The following PCSK5 variants were observed in gnomAD, a reference collection of about 807,000 sequenced individuals.
PCSK5 encodes the protein prohormone convertase 5.
Under a neutral mutation model 233.2 loss-of-function variants are expected in PCSK5, and 129 were observed. That is an observed-to-expected ratio of 0.55 (90% CI 0.48 to 0.64). The LOEUF is 0.64. PCSK5 is among the 30% of genes least tolerant of loss of function. The probability of loss-of-function intolerance (pLI) is 0.00; values close to 1 mark genes in which losing one functional copy is unlikely to be tolerated. For missense variants in PCSK5, 2,076 were observed against 2,430.1 expected (o/e 0.85, Z 3.06); for synonymous variants, 825 against 879.2 (o/e 0.94, Z 1.09).
chr9:75,939,039 C>T (rs1482535573), intron 2 of PCSK5, among the ~76,000 whole-genome samples: 1 of 152,178 alleles, frequency 6.6e-6, no homozygotes, highest in African/African-American at 2.4e-5. Flanking sequence ...TGCACACTCC[C>T]TTTTCCCCCT....
At chr9:76,112,277 T>C (rs1832249677) in intron 9 of PCSK5, among the ~76,000 whole-genome samples, 1 of 152,192 alleles carries the variant, frequency 6.6e-6, no homozygotes, top group Non-Finnish European at 1.5e-5. Flanking sequence ...AAAAGGGTAT[T>C]GGTATAAAGA....
chr9:76,189,086 CTT>C lies in PCSK5; in HGVS notation c.2381-5_2381-4del, dbSNP rs756136950. ...TTTCTCGTTTCCTGTGTTTGTCTTG[CTT>C]TTAAGGGGCAGGAGCTGATGGGTGC... On this transcript the variant is annotated splice_region_variant and splice_polypyrimidine_tract_variant and intron_variant, in intron 18 of 37. Coordinates refer to ENST00000674117, the MANE Select transcript of PCSK5 (RefSeq NM_001372043.1). 267 of 1,611,438 alleles carry C rather than the reference CTT, an allele frequency of 1.7e-4. 1 individual carries two copies. The highest frequency in any genetic ancestry group is 1.6e-3 in the South Asian group (145 of 90,358).
intron 1 of PCSK5, among the ~76,000 whole-genome samples, chr9:75,910,359 C>G (rs2131227748): frequency 6.6e-6 from 1 of 152,290 alleles, no homozygotes; most frequent in African/African-American, 2.4e-5. Flanking sequence ...AAATCAGAAG[C>G]CACTTATTAG....
At chr9:76,206,811 T>A (rs184054497) in intron 20 of PCSK5, among the ~76,000 whole-genome samples, 288 of 152,372 alleles carry the variant, frequency 1.9e-3, no homozygotes, top group African/African-American at 6.5e-3. Context: ...GTAATCTTGC[T>A]GTATTAATTT....
chr9:76,134,348 GTAAA>G (rs1256585882), intron 10 of PCSK5, 136 bp downstream of exon 10: 3 of 563,954 alleles, frequency 5.3e-6, no homozygotes, highest in Non-Finnish European at 3.1e-6. Flanking sequence ...TGATCTTTTA[GTAAA>G]TAAAAGGCAG....
In PCSK5 at chr9:75,891,386, A is replaced by G. The variant is rs1383137546; in HGVS notation, c.192+13A>G. The G allele has an allele frequency of 1.3e-6, 2 of 1,539,366 alleles. No homozygotes were observed. The highest frequency in any genetic ancestry group is 1.4e-5 in the African/African-American group (1 of 69,648). ...CAACATAGGACAGGTAACGAACTAC[A>G]GGCTAGCCCAGCCCTCGGCCCTGAA... On this transcript the variant is annotated intron_variant, in intron 1 of 37. Coordinates refer to ENST00000674117, the MANE Select transcript of PCSK5 (RefSeq NM_001372043.1).
chr9:76,294,358 G>T (rs2803418), intron 25 of PCSK5, among the ~76,000 whole-genome samples: 39,153 of 152,090 alleles, frequency 0.26, 5,507 homozygotes, highest in African/African-American at 0.37. Flanking sequence ...TTTTACTGTA[G>T]AATGAGAATA....
At chr9:76,064,824 A>G (rs375633996) in intron 5 of PCSK5, among the ~76,000 whole-genome samples, 55 of 150,882 alleles carry the variant, frequency 3.6e-4, no homozygotes, top group African/African-American at 1.3e-3. Flanking sequence ...GCGGCCGGGC[A>G]GAGACGCTCC....
rs1332144451 is a variant in PCSK5, at chr9:75,959,669, CTG to C, written c.298-26460_298-26459del. Reference sequence around the variant, plus strand: ...AGTGTGGCTGGGCTCGGGGCCGACTCTGTGGCCACGGCACAAATGGAGATATT... The same window carrying C: ...AGTGTGGCTGGGCTCGGGGCCGACTCTGGCCACGGCACAAATGGAGATATT... On this transcript the variant is annotated intron_variant, in intron 2 of 37. Transcript: ENST00000674117. Among the ~76,000 whole-genome samples the C allele has an allele frequency of 5.3e-5, 8 of 152,340 alleles. No individual in the cohort carries two copies. In the East Asian group the frequency reaches 1.4e-3, roughly 26 times the overall value.
chr9:75,905,318 G>A (rs1361443573), intron 1 of PCSK5, among the ~76,000 whole-genome samples: 2 of 151,990 alleles, frequency 1.3e-5, no homozygotes, highest in Non-Finnish European at 2.9e-5. Context: ...AGACCAGCCT[G>A]GGCAATAAAG....
intron 36 of PCSK5, among the ~76,000 whole-genome samples, chr9:76,353,550 G>T (rs2131527826): frequency 1.3e-5 from 2 of 152,336 alleles, no homozygotes; most frequent in South Asian, 4.1e-4. Context: ...TCAAATAGAA[G>T]AGTGGAAAGA....
At position 76,155,682 on chromosome 9, in the gene PCSK5, A is replaced by C. The variant is rs551363908; in HGVS notation, c.1313-1363A>C. Among the ~76,000 whole-genome samples, 27 of 152,342 alleles carry C rather than the reference A, an allele frequency of 1.8e-4. No individual in the cohort carries two copies. The South Asian group carries it at 5.6e-3, about 32-fold the overall frequency. ...TGGACAGAAGGGCAGATGGATTGAC[A>C]AATTAATTAGTTACCAGAGTAGAAA... On this transcript the variant is annotated intron_variant, in intron 10 of 37. Transcript: ENST00000674117.
At chr9:75,951,738 AAAT>A (rs1165281384) in intron 2 of PCSK5, among the ~76,000 whole-genome samples, 2 of 152,070 alleles carry the variant, frequency 1.3e-5, no homozygotes, top group Non-Finnish European at 2.9e-5. Context: ...TAATACAATA[AAAT>A]AATAATAAAA....
chr9:76,206,544 G>C (rs1308919255), intron 20 of PCSK5, among the ~76,000 whole-genome samples: 1 of 152,192 alleles, frequency 6.6e-6, no homozygotes, highest in Non-Finnish European at 1.5e-5. Context: ...AGTGGGCAGG[G>C]CACAGCTAAT....
chr9:75,983,433 G>A (rs768999359), intron 2 of PCSK5, among the ~76,000 whole-genome samples: 2 of 152,148 alleles, frequency 1.3e-5, no homozygotes, highest in Non-Finnish European at 2.9e-5. Flanking sequence ...TCTTATAAAG[G>A]AGGACATCTT....
In PCSK5 at chr9:76,328,093, G is replaced by C. The variant is rs1327861573; in HGVS notation, c.4424G>C (p.Ser1475Thr). The change falls in exon 33 of 38, where the codon AGC (serine) becomes ACC (threonine). Residue 1475 changes from serine (S) to threonine (T), a missense_variant. Coordinates refer to ENST00000674117, the MANE Select transcript of PCSK5 (RefSeq NM_001372043.1). ...QKGLIMNPRG[S>T]CMANEKCSPS... ...GGCCTGATCATGAACCCTCGTGGGA[G>C]CTGCATGGCCAACGAGAAGTGCTCA... 6.2e-7 allele frequency: 1 copy of C among 1,612,812 alleles called. No homozygotes were observed. The highest frequency in any genetic ancestry group is 1.7e-5 in the Admixed American group (1 of 60,020).
At chr9:76,294,724 C>G (rs1266621867) in intron 25 of PCSK5, among the ~76,000 whole-genome samples, 1 of 151,892 alleles carries the variant, frequency 6.6e-6, no homozygotes, top group Non-Finnish European at 1.5e-5. Flanking sequence ...GTATCAGTAC[C>G]CCTTCTTTCT....
intron 9 of PCSK5, among the ~76,000 whole-genome samples, chr9:76,119,483 G>A (rs1177862158): frequency 1.3e-5 from 2 of 152,002 alleles, no homozygotes; most frequent in Non-Finnish European, 2.9e-5. Flanking sequence ...TACCCTAAAT[G>A]AGTCCAGATT....
At chr9:76,084,201 G>C (rs1394975491) in intron 7 of PCSK5, among the ~76,000 whole-genome samples, 1 of 152,166 alleles carries the variant, frequency 6.6e-6, no homozygotes, top group Non-Finnish European at 1.5e-5. Context: ...TGGAAACAAA[G>C]AAATGTGTGT....
Sources: gnomAD v4.1 joint callset for allele counts (sites outside exome capture counted in the v4.1 genomes callset) on GRCh38, gnomAD v4.1.1 for gene constraint, MANE v1.5 for transcripts, NCBI Gene and HGNC (gene_info 2026-07-23, HGNC 2026-07-21) for gene names.